The following EEFSEC variants were observed in gnomAD, a reference collection of about 807,000 sequenced individuals.
EEFSEC encodes eukaryotic elongation factor, selenocysteine-tRNA specific, also known as selenocysteine-specific elongation factor.
Under a neutral mutation model 42.1 loss-of-function variants are expected in EEFSEC, and 43 were observed. The ratio of observed to expected loss-of-function variants is 1.02; its 90% CI spans 0.80 to 1.32. EEFSEC has a LOEUF of 1.32. Among genes scored for constraint, EEFSEC ranks in the 40% most tolerant of loss-of-function variants. EEFSEC has a pLI of 0.00. For missense variants in EEFSEC, 745 were observed against 803.6 expected (o/e 0.93, Z 0.88); for synonymous variants, 354 against 339.1 (o/e 1.04, Z -0.48).
At position 128,405,553 on chromosome 3, in the gene EEFSEC, G is replaced by A. The variant is rs560631233; in HGVS notation, c.1601-2516G>A. ...TTTCTCATCCGTATAAAGAAGGGGT[G>A]GCCAACATCTTCAGGAAACTGAGCC... On this transcript the variant is annotated intron_variant, in intron 6 of 6. Coordinates refer to ENST00000254730, the MANE Select transcript of EEFSEC (RefSeq NM_021937.5). 2.0e-5 allele frequency among the ~76,000 whole-genome samples: 3 copies of A among 152,322 alleles called. No individual in the cohort carries two copies. The South Asian group carries it at 6.2e-4, about 32-fold the overall frequency.
intron 4 of EEFSEC, among the ~76,000 whole-genome samples, chr3:128,277,918 C>A (rs1487719600): frequency 6.6e-6 from 1 of 152,114 alleles, no homozygotes; most frequent in Non-Finnish European, 1.5e-5. Flanking sequence ...GGATTCTGGG[C>A]AAATGCAAAG....
At chr3:128,370,538 A>G (rs894074395) in intron 6 of EEFSEC, among the ~76,000 whole-genome samples, 5 of 152,040 alleles carry the variant, frequency 3.3e-5, no homozygotes, top group Non-Finnish European at 7.4e-5. Flanking sequence ...GGGATATCCT[A>G]CCCCTCTCCC....
chr3:128,269,871 G>A (rs77857145), intron 4 of EEFSEC, among the ~76,000 whole-genome samples: 69 of 152,310 alleles, frequency 4.5e-4, no homozygotes, highest in Non-Finnish European at 8.1e-4. Context: ...TTTGATCTTC[G>A]GGGTTCAGGC....
chr3:128,188,489 G>A (rs2065487291), intron 1 of EEFSEC, among the ~76,000 whole-genome samples: 1 of 152,130 alleles, frequency 6.6e-6, no homozygotes, highest in Non-Finnish European at 1.5e-5. Context: ...CTGCCATGTT[G>A]CCCTCAGGCA....
chr3:128,181,125 C>T (rs1261768434), intron 1 of EEFSEC, among the ~76,000 whole-genome samples: 9 of 152,248 alleles, frequency 5.9e-5, no homozygotes, highest in Middle Eastern at 3.4e-3. Flanking sequence ...TGGCAGGTGA[C>T]GCAGGGAGTC....
chr3:128,228,167 A>G (rs1158624255), intron 1 of EEFSEC, among the ~76,000 whole-genome samples: 1 of 152,156 alleles, frequency 6.6e-6, no homozygotes, highest in African/African-American at 2.4e-5. Flanking sequence ...CTCTGCTGCC[A>G]TGTGCAAGGG....
At chr3:128,217,596 C>T (rs563394557) in intron 1 of EEFSEC, among the ~76,000 whole-genome samples, 143 of 152,342 alleles carry the variant, frequency 9.4e-4, no homozygotes, top group Non-Finnish European at 1.5e-3. Context: ...GGCCTGCTCC[C>T]TTCCCCAGGG....
At chr3:128,153,857 G>A in intron 1 of EEFSEC, 34 bp downstream of exon 1, 3 of 1,466,584 alleles carry the variant, frequency 2.0e-6, no homozygotes, top group East Asian at 2.7e-5. Context: ...CCGGGCTCAG[G>A]GACGCGGGCG....
intron 1 of EEFSEC, among the ~76,000 whole-genome samples, chr3:128,173,956 C>G (rs145059600): frequency 6.6e-6 from 1 of 152,314 alleles, no homozygotes; most frequent in Non-Finnish European, 1.5e-5. Context: ...ATGGCCTGCT[C>G]TCTTCCAGCC....
chr3:128,298,208 G>A (rs944153179), intron 4 of EEFSEC, among the ~76,000 whole-genome samples: 18 of 152,286 alleles, frequency 1.2e-4, no homozygotes, highest in African/African-American at 4.3e-4. Context: ...CACTCATGCT[G>A]GAATACAGTG....
At position 128,280,156 on chromosome 3, in the gene EEFSEC, G is replaced by A. The variant is rs144731291; in HGVS notation, c.786+15375G>A. ...GTCCCATTATGTAGGAAAACTGTCT[G>A]CATATGTTTGTATACAAATGCATCA... On this transcript the variant is annotated intron_variant, in intron 4 of 6. Transcript: ENST00000254730. 5.5e-3 allele frequency among the ~76,000 whole-genome samples: 837 copies of A among 152,306 alleles called. 11 individuals are homozygous for A. The highest frequency in any genetic ancestry group is 0.019 in the African/African-American group (791 of 41,542).
At position 128,234,732 on chromosome 3, in the gene EEFSEC, G is replaced by A. The variant is rs912238801; in HGVS notation, c.317-12104G>A. 9.9e-5 allele frequency among the ~76,000 whole-genome samples: 15 copies of A among 152,222 alleles called. No individual in the cohort carries two copies. In the South Asian group the frequency reaches 1.0e-3, roughly 11 times the overall value. On this transcript the variant is annotated intron_variant, in intron 1 of 6. Transcript: ENST00000254730. Reference sequence around the variant, plus strand: ...TAGCCTCTTGACAAGTTTCCTAATAGGACAGGTACATACCTAGAGTTGTGT... The same window carrying A: ...TAGCCTCTTGACAAGTTTCCTAATAAGACAGGTACATACCTAGAGTTGTGT...
intron 4 of EEFSEC, among the ~76,000 whole-genome samples, chr3:128,269,805 C>T (rs1422730110): frequency 6.6e-6 from 1 of 152,222 alleles, no homozygotes; most frequent in Non-Finnish European, 1.5e-5. Context: ...CACCAGCTTT[C>T]TGCTGAGGCA....
intron 1 of EEFSEC, among the ~76,000 whole-genome samples, chr3:128,207,190 T>C (rs1420580831): frequency 1.3e-5 from 2 of 150,658 alleles, no homozygotes; most frequent in African/African-American, 4.9e-5. Flanking sequence ...CTCCCCTCTC[T>C]CCCTCTATTT....
intron 6 of EEFSEC, among the ~76,000 whole-genome samples, chr3:128,359,450 G>T (rs1172857243): frequency 1.3e-5 from 2 of 152,070 alleles, no homozygotes; most frequent in Non-Finnish European, 2.9e-5. Flanking sequence ...ATGCAATCAA[G>T]GCTCACTAAA....
rs533915813 is a variant in EEFSEC at position 128,278,610 on chromosome 3, T to C, written c.786+13829T>C. 1.4e-4 allele frequency among the ~76,000 whole-genome samples: 22 copies of C among 152,356 alleles called. No homozygotes were observed. The South Asian group carries it at 2.1e-3, about 14-fold the overall frequency. The stretch of plus-strand genomic sequence containing the variant: ...CTGTTGGTGGCTCCAACCTTGGTAG[T>C]TGGGGCCTCTGGCTAGAAAAGAAAA... On this transcript the variant is annotated intron_variant, in intron 4 of 6. Coordinates refer to ENST00000254730, the MANE Select transcript of EEFSEC (RefSeq NM_021937.5).
chr3:128,211,848 C>CTTTTTTTTTTTTTTTTTTTTTT (rs34885945), intron 1 of EEFSEC, among the ~76,000 whole-genome samples: 2 of 51,694 alleles, frequency 3.9e-5, no homozygotes, highest in African/African-American at 8.2e-5. Context: ...TTTTTCTTTT[C>CTTTTTTTTTTTTTTTTTTTTTT]TTTTTTTTTT....
intron 1 of EEFSEC, among the ~76,000 whole-genome samples, chr3:128,215,375 A>G (rs4857873): frequency 0.71 from 107,337 of 151,952 alleles, 38,149 homozygotes; most frequent in East Asian, 0.89. Context: ...CCTAGTGTCT[A>G]TGTGACTTTG....
At chr3:128,312,392 T>C (rs921731609) in intron 4 of EEFSEC, among the ~76,000 whole-genome samples, 8 of 152,238 alleles carry the variant, frequency 5.3e-5, no homozygotes, top group Non-Finnish European at 1.0e-4. Flanking sequence ...GTTTTGGTCC[T>C]GTCCAACTGC....
Sources: gnomAD v4.1 joint callset for allele counts (sites outside exome capture counted in the v4.1 genomes callset) on GRCh38, gnomAD v4.1.1 for gene constraint, MANE v1.5 for transcripts, NCBI Gene and HGNC (gene_info 2026-07-23, HGNC 2026-07-21) for gene names.